Variants in NME9 observed in about 807,000 individuals in gnomAD.
NME9 encodes NME/NM23 family member 9, also known as thioredoxin domain-containing protein 6.
A neutral mutation model predicts 44.4 loss-of-function variants in NME9; 48 were observed. That is an observed-to-expected ratio of 1.08 (90% CI 0.86 to 1.37). The LOEUF (loss-of-function observed/expected upper bound fraction) is 1.37. Among genes scored for constraint, NME9 ranks in the 40% most tolerant of loss-of-function variants. The probability of loss-of-function intolerance (pLI) is 0.00; values close to 1 mark genes in which losing one functional copy is unlikely to be tolerated. For synonymous variants in NME9, 139 were observed against 147.1 expected (o/e 0.94, Z 0.40); for missense variants, 325 against 405.2 (o/e 0.80, Z 1.70).
intron 8 of NME9, among the ~76,000 whole-genome samples, chr3:138,286,016 C>G (rs1170989101): frequency 6.6e-6 from 1 of 152,188 alleles, no homozygotes; most frequent in Non-Finnish European, 1.5e-5. Flanking sequence ...GCGATCTTGG[C>G]TCACCACAAC....
At chr3:138,308,716 GAA>G (rs1169346278) in intron 6 of NME9, among the ~76,000 whole-genome samples, 10 of 152,266 alleles carry the variant, frequency 6.6e-5, no homozygotes, top group Middle Eastern at 6.8e-3. Flanking sequence ...TAATTGCGAT[GAA>G]AGTCACACGT....
chr3:138,281,604 A>C (rs2049936853), intron 8 of NME9, among the ~76,000 whole-genome samples: 1 of 151,858 alleles, frequency 6.6e-6, no homozygotes, highest in Non-Finnish European at 1.5e-5. Flanking sequence ...TGATTTCTTT[A>C]AGATTTGATT....
intron 8 of NME9, among the ~76,000 whole-genome samples, chr3:138,271,039 G>A (rs982760373): frequency 6.6e-6 from 1 of 152,118 alleles, no homozygotes; most frequent in African/African-American, 2.4e-5. Context: ...GAAGGTGAAG[G>A]CCTCACAGTT....
chr3:138,329,400 C>A lies in NME9; in HGVS notation c.-65G>T. The A allele has an allele frequency of 6.5e-7, 1 of 1,535,332 alleles. No homozygotes were observed. ...GGGCCGTTCCCCCGCAGCCTCGCGA[C>A]AAACCGCTGCGTGGATCAGCAAGCC... On this transcript the variant is annotated 5_prime_UTR_variant, in exon 1 of 11. Coordinates refer to ENST00000333911, the MANE Select transcript of NME9 (RefSeq NM_001349018.2).
At chr3:138,313,711 G>T (rs2052864126) in intron 6 of NME9, among the ~76,000 whole-genome samples, 1 of 152,164 alleles carries the variant, frequency 6.6e-6, no homozygotes, top group Admixed American at 6.5e-5. Flanking sequence ...ATACACAAGG[G>T]AATATTATTC....
chr3:138,278,235 C>T (rs145048488), intron 8 of NME9, among the ~76,000 whole-genome samples: 13 of 152,192 alleles, frequency 8.5e-5, no homozygotes, highest in Middle Eastern at 3.4e-3. Flanking sequence ...AGGCCAGGCA[C>T]GGTGGCTCAC....
At chr3:138,329,195 T>C (rs2053974482) in intron 1 of NME9, 108 bp downstream of exon 1, 5 of 967,782 alleles carry the variant, frequency 5.2e-6, no homozygotes, top group Non-Finnish European at 7.8e-6. Context: ...CACTGTCACG[T>C]ACTGCTGGCA....
rs2051845528 is a variant in NME9, at chr3:138,301,516, AT to A, written c.*123del. ...CACTGCGCCCAGCCATATTATTTTC[AT>A]TGTCTACAAAAGACAGCTAAACCAA... On this transcript the variant is annotated 3_prime_UTR_variant, in exon 11 of 11. Transcript: ENST00000333911. The A allele has an allele frequency of 6.9e-7, 1 of 1,456,346 alleles. No homozygotes were observed. The highest frequency in any genetic ancestry group is 1.4e-5 in the South Asian group (1 of 71,506). The allele number at this position is 1,456,346 out of a possible 1,614,324, so 90.2% of individuals were successfully genotyped here. A position where few individuals can be genotyped will look rare whatever the true frequency, so the allele number is the denominator to read the frequency against.
chr3:138,287,544 A>G (rs1560053221), intron 8 of NME9: 5 of 427,000 alleles, frequency 1.2e-5, no homozygotes, highest in Admixed American at 7.6e-5. Context: ...CATATTTGTT[A>G]TAGTATATAC....
At chr3:138,326,223 G>A (rs2053777168) in intron 1 of NME9, among the ~76,000 whole-genome samples, 2 of 152,164 alleles carry the variant, frequency 1.3e-5, no homozygotes, top group Admixed American at 1.3e-4. Context: ...TGTTGGAGAA[G>A]CTGAAGATCA....
At chr3:138,328,669 T>C (rs2108473430) in intron 1 of NME9, among the ~76,000 whole-genome samples, 1 of 152,306 alleles carries the variant, frequency 6.6e-6, no homozygotes, top group Admixed American at 6.5e-5. Context: ...GCCTGCATGT[T>C]TTTACCATCA....
At position 138,301,292 on chromosome 3, in the gene NME9, C is replaced by T; in HGVS notation, c.*348G>A. 2.7e-6 allele frequency: 1 copy of T among 364,050 alleles called. No homozygotes were observed. The highest frequency in any genetic ancestry group is 7.3e-5 in the South Asian group (1 of 13,684). The allele number at this position is 364,050 out of a possible 1,614,324, so 22.6% of individuals were successfully genotyped here. A position where few individuals can be genotyped will look rare whatever the true frequency, so the allele number is the denominator to read the frequency against. On this transcript the variant is annotated 3_prime_UTR_variant, in exon 11 of 11. Coordinates refer to ENST00000333911, the MANE Select transcript of NME9 (RefSeq NM_001349018.2). ...TGATCTCGGCTTACTGCAACCTTCACCTCCCGGGTTCAAGCGATTCTCATG... is the reference window on the plus strand; with the variant it reads ...TGATCTCGGCTTACTGCAACCTTCATCTCCCGGGTTCAAGCGATTCTCATG...
chr3:138,272,990 A>C (rs1306239155), intron 8 of NME9: 1 of 1,605,236 alleles, frequency 6.2e-7, no homozygotes, highest in Admixed American at 1.7e-5. Context: ...AGGCTGAACA[A>C]AAAATAAAAG....
At chr3:138,316,927 G>A (rs140827343) in intron 4 of NME9, among the ~76,000 whole-genome samples, 48 of 152,248 alleles carry the variant, frequency 3.2e-4, no homozygotes, top group African/African-American at 1.1e-3. Flanking sequence ...AAGTCTCTAC[G>A]TTTGTACTCA....
At position 138,315,524 on chromosome 3, in the gene NME9, T is replaced by TA; in HGVS notation, c.384+2dup. On this transcript the variant is annotated splice_region_variant and intron_variant, in intron 5 of 10. Transcript: ENST00000333911. ...GCTGCTTATAGAAGTGACCTCCAGT[T>TA]ACCACTTTCCGTTCTCTGCCTTCAG... 1 of 1,534,280 alleles carries TA rather than the reference T, an allele frequency of 6.5e-7. No individual in the cohort carries two copies. The highest frequency in any genetic ancestry group is 8.7e-7 in the Non-Finnish European group (1 of 1,145,080).
At chr3:138,266,019 G>A (rs913441051) in intron 8 of NME9, among the ~76,000 whole-genome samples, 1 of 152,150 alleles carries the variant, frequency 6.6e-6, no homozygotes, top group African/African-American at 2.4e-5. Flanking sequence ...CTATTTTCTA[G>A]TCTAAACAAG....
At chr3:138,284,659 ACT>A in intron 8 of NME9, 1 of 656,166 alleles carries the variant, frequency 1.5e-6, no homozygotes, top group East Asian at 2.6e-5. Context: ...GATTCAAAGA[ACT>A]CTCTTCCATC....
intron 8 of NME9, among the ~76,000 whole-genome samples, chr3:138,281,734 G>C (rs1033988329): frequency 6.6e-6 from 1 of 152,128 alleles, no homozygotes; most frequent in African/African-American, 2.4e-5. Flanking sequence ...ACTACAAAAA[G>C]GGGAATTACT....
chr3:138,264,412 C>CTTTTTTTTTTTTT (rs11298899), intron 8 of NME9, among the ~76,000 whole-genome samples: 4 of 48,642 alleles, frequency 8.2e-5, no homozygotes, highest in African/African-American at 1.5e-4. Flanking sequence ...GATTTTCTTT[C>CTTTTTTTTTTTTT]TTTTTTTTTT....
Sources: allele counts gnomAD v4.1 joint callset (sites outside exome capture counted in the v4.1 genomes callset), GRCh38; gene constraint gnomAD v4.1.1; transcripts MANE v1.5; gene names NCBI Gene and HGNC (gene_info 2026-07-23, HGNC 2026-07-21).